Variants in KCNC4 observed in about 807,000 individuals in gnomAD.
KCNC4 encodes the protein voltage-gated potassium channel KCNC4.
Under a neutral mutation model 42.8 loss-of-function variants are expected in KCNC4, and 23 were observed. The ratio of observed to expected loss-of-function variants is 0.54; its 90% CI spans 0.39 to 0.76. The LOEUF (loss-of-function observed/expected upper bound fraction) is 0.76, where lower values mean the gene tolerates loss of function less well. KCNC4 is among the 30% of genes least tolerant of loss of function. The probability of loss-of-function intolerance (pLI) is 0.00; values close to 1 mark genes in which losing one functional copy is unlikely to be tolerated. For missense variants in KCNC4, 751 were observed against 898.2 expected, an observed-to-expected ratio of 0.84 and a Z score of 2.10; for synonymous variants, 422 against 393.5, an observed-to-expected ratio of 1.07 and a Z score of -0.86.
downstream of KCNC4, among the ~76,000 whole-genome samples, chr1:110,250,781 G>T (rs1659237524): frequency 6.6e-6 from 1 of 152,168 alleles, no homozygotes; most frequent in South Asian, 2.1e-4. Flanking sequence ...CAGCCAGTCT[G>T]CTAGGAGAGG....
At chr1:110,237,508 G>A (rs1422980736), downstream of KCNC4, 3 of 152,172 alleles carry the variant, frequency 2.0e-5, no homozygotes, top group Non-Finnish European at 4.4e-5. Context: ...CTGCGGGGTA[G>A]TGAAGTTCCC....
chr1:110,232,897 C>G lies in KCNC4; in HGVS notation c.1820-14C>G. ...TGCGTCCCAGTGTCTCACACCTGTG[C>G]TCTTTAAACACAGAGACCTGCCAAG... On this transcript the variant is annotated splice_polypyrimidine_tract_variant and intron_variant, in intron 3 of 3. Coordinates refer to ENST00000438661, the MANE Select transcript of KCNC4 (RefSeq NM_001039574.3). The G allele has an allele frequency of 6.2e-7, 1 of 1,608,634 alleles. No individual in the cohort carries two copies. The highest frequency in any genetic ancestry group is 8.5e-7 in the Non-Finnish European group (1 of 1,177,642).
chr1:110,261,914 AT>A lies in KCNC4; in HGVS notation n.31-20616del, dbSNP rs1659461751. Among the ~76,000 whole-genome samples the A allele has an allele frequency of 2.6e-5, 4 of 152,228 alleles. No homozygotes were observed. In the South Asian group the frequency reaches 8.3e-4, roughly 31 times the overall value. On this transcript the variant is annotated intron_variant and non_coding_transcript_variant, in intron 1 of 2. Coordinates refer to the KCNC4 transcript ENST00000412512. ...TCTTATACAAAACAACAAGCATTCC[AT>A]TTTAAAGGTGATGCTTTATTATCTT...
chr1:110,257,672 G>T (rs947207403), intron 1 of KCNC4, among the ~76,000 whole-genome samples: 1 of 143,746 alleles, frequency 7.0e-6, no homozygotes, highest in Non-Finnish European at 1.5e-5. Flanking sequence ...AGTAAGCCGA[G>T]ATCGCGCTAC....
chr1:110,262,699 A>G (rs1406671188), intron 1 of KCNC4, among the ~76,000 whole-genome samples: 1 of 152,018 alleles, frequency 6.6e-6, no homozygotes, highest in Non-Finnish European at 1.5e-5. Flanking sequence ...TTTCTCCAAT[A>G]CTTCTCCAGA....
chr1:110,220,220 TCTC>T (rs1557855934), intron 1 of KCNC4: 1 of 152,216 alleles, frequency 6.6e-6, no homozygotes, highest in Non-Finnish European at 1.5e-5. Context: ...CCCCTCCTCT[TCTC>T]AGGGTGGAGG....
At chr1:110,277,806 A>G (rs1393630471) in intron 1 of KCNC4, among the ~76,000 whole-genome samples, 1 of 152,052 alleles carries the variant, frequency 6.6e-6, no homozygotes, top group East Asian at 1.9e-4. Context: ...CAGATTTATA[A>G]GACCCTTTCT....
At chr1:110,245,747 CTCT>C (rs1362694746) in exon 4 of KCNC4, 6 of 152,304 alleles carry the variant, frequency 3.9e-5, no homozygotes, top group African/African-American at 1.4e-4. Flanking sequence ...CTCTTCTCTT[CTCT>C]TGGCCTGAAG....
chr1:110,258,517 T>A (rs1659374422), intron 1 of KCNC4, among the ~76,000 whole-genome samples: 1 of 152,122 alleles, frequency 6.6e-6, no homozygotes, highest in South Asian at 2.1e-4. Flanking sequence ...ATTACAGGGG[T>A]AAGCCACAGT....
In KCNC4 at chr1:110,215,805, G is replaced by A. The variant is rs141411271; in HGVS notation, c.678+3628G>A. Among the ~76,000 whole-genome samples the A allele has an allele frequency of 1.1e-3, 168 of 152,272 alleles. 2 individuals are homozygous for A. The East Asian group carries it at 0.024, about 21-fold the overall frequency. On this transcript the variant is annotated intron_variant, in intron 1 of 3. Transcript: ENST00000438661. ...ACAGATAAGGAAACAGGCCTGGTGG[G>A]GCTTTCTCAAGGTCGCACCACTTGT...
At chr1:110,215,876 G>T (rs951661610) in intron 1 of KCNC4, among the ~76,000 whole-genome samples, 1 of 152,230 alleles carries the variant, frequency 6.6e-6, no homozygotes, top group African/African-American at 2.4e-5. Flanking sequence ...CTAAGTCTGT[G>T]CTCCTCCTAT....
rs1287194226 is a variant in KCNC4 at position 110,223,948 on chromosome 1, A to G, written c.1615+48A>G. The G allele has an allele frequency of 7.0e-7, 1 of 1,433,490 alleles. No homozygotes were observed. The highest frequency in any genetic ancestry group is 9.5e-7 in the Non-Finnish European group (1 of 1,052,484). 88.8% of individuals were successfully genotyped at this position (1,433,490 alleles called of 1,614,324 possible). A position where few individuals can be genotyped will look rare whatever the true frequency, so the allele number is the denominator to read the frequency against. On this transcript the variant is annotated intron_variant, in intron 2 of 3. Transcript: ENST00000438661. The surrounding 1 kb of genome is among the most constrained non-coding windows in gnomAD (Gnocchi z 7.5). The stretch of plus-strand genomic sequence containing the variant: ...AAAATCCCTTTTCCCCCAGTGGCCT[A>G]GGGAGTTTCCAAATGGACCTCAGAC...
At position 110,273,589 on chromosome 1, in the gene KCNC4, C is replaced by T. The variant is rs56074884; in HGVS notation, n.31-8945C>T. 9.8e-3 allele frequency among the ~76,000 whole-genome samples: 1,490 copies of T among 152,350 alleles called. 22 individuals carry two copies. The highest frequency in any genetic ancestry group is 0.032 in the African/African-American group (1,332 of 41,570). On this transcript the variant is annotated intron_variant and non_coding_transcript_variant, in intron 1 of 2. Transcript: ENST00000412512. ...GAACTGTGTTGCTCCTCCCTGCCCA[C>T]TGATGGCCACCCTGGCCCTCTCCAG...
chr1:110,215,677 TTGTTAAG>T (rs1318775439), intron 1 of KCNC4, among the ~76,000 whole-genome samples: 1 of 152,198 alleles, frequency 6.6e-6, no homozygotes, highest in Non-Finnish European at 1.5e-5. Flanking sequence ...GTCTTCCCCT[TTGTTAAG>T]TGTCAGTTAC....
intron 3 of KCNC4, among the ~76,000 whole-genome samples, chr1:110,228,127 A>C (rs1004184492): frequency 1.3e-5 from 2 of 152,084 alleles, no homozygotes; most frequent in Non-Finnish European, 2.9e-5. Flanking sequence ...ACCGTGCCGC[A>C]CTTCTCCACA....
downstream of KCNC4, among the ~76,000 whole-genome samples, chr1:110,283,508 T>C (rs1570590465): frequency 6.6e-6 from 1 of 152,322 alleles, no homozygotes; most frequent in East Asian, 1.9e-4. Flanking sequence ...GAGCCACTTG[T>C]CTCTCTCAGT....
intron 1 of KCNC4, among the ~76,000 whole-genome samples, chr1:110,274,975 C>T (rs1659692811): frequency 6.6e-6 from 1 of 152,110 alleles, no homozygotes; most frequent in South Asian, 2.1e-4. Context: ...TGACTAAGAC[C>T]TCAAAAGCAC....
chr1:110,237,983 C>T (rs768584516), downstream of KCNC4: 15 of 152,282 alleles, frequency 9.9e-5, no homozygotes, highest in Non-Finnish European at 1.5e-4. Flanking sequence ...TGAGCTGGCT[C>T]AGTCACTTGG....
At position 110,223,005 on chromosome 1, in the gene KCNC4, C is replaced by T. The variant is rs768516084; in HGVS notation, c.720C>T (p.Ile240=). 6.2e-7 allele frequency: 1 copy of T among 1,614,170 alleles called. No homozygotes were observed. The highest frequency in any genetic ancestry group is 8.5e-7 in the Non-Finnish European group (1 of 1,180,020). The part of the protein sequence containing the change: ...FASLFFILVS[I]TTFCLETHEA... ...CTCTCTTCTTCATCCTGGTCTCCAT[C>T]ACCACTTTCTGCCTGGAGACCCATG... Residue 240 remains isoleucine, a synonymous_variant, in exon 2 of 4, where the codon ATC becomes ATT. Coordinates refer to ENST00000438661, the MANE Select transcript of KCNC4 (RefSeq NM_001039574.3). The surrounding 1 kb of genome is among the most constrained non-coding windows in gnomAD (Gnocchi z 7.5).
Sources: gnomAD v4.1 joint callset for allele counts (sites outside exome capture counted in the v4.1 genomes callset) on GRCh38, gnomAD v4.1.1 for gene constraint, Gnocchi (gnomAD v3.1) non-coding constraint, MANE v1.5 for transcripts, NCBI Gene and HGNC (gene_info 2026-07-23, HGNC 2026-07-21) for gene names.